Variants in ANOS1 observed in about 807,000 individuals in gnomAD.
ANOS1 encodes anosmin 1.
Under a neutral mutation model 59.0 loss-of-function variants are expected in ANOS1, and 6 were observed. That is an observed-to-expected ratio of 0.10 (90% CI 0.06 to 0.20). ANOS1 has a LOEUF of 0.20. Ranked by LOEUF, ANOS1 falls within the 10% of genes least tolerant of loss-of-function variation. ANOS1 has a pLI of 1.00. For missense variants in ANOS1, 433 were observed against 542.3 expected, an observed-to-expected ratio of 0.80 and a Z score of 2.00; for synonymous variants, 217 against 223.4, an observed-to-expected ratio of 0.97 and a Z score of 0.25.
rs374418341 is a variant in ANOS1 at position 8,663,519 on chromosome X, T to C, written c.255+36179A>G. ...ATGGTAGATAAGAAAAGAAACAACC[T>C]GCTGAAATGCTGAAACTCCCTATGC... is the stretch of plus-strand genomic sequence containing the variant. On this transcript the variant is annotated intron_variant, in intron 2 of 13. Coordinates refer to ENST00000262648, the MANE Select transcript of ANOS1 (RefSeq NM_000216.4). Among the ~76,000 whole-genome samples the C allele has an allele frequency of 4.5e-5, 5 of 111,468 alleles. No individual in the cohort carries two copies. The East Asian group carries it at 1.1e-3, about 25-fold the overall frequency.
intron 5 of ANOS1, among the ~76,000 whole-genome samples, chrX:8,587,140 G>T (rs933552617): frequency 9.1e-6 from 1 of 110,139 alleles, no homozygotes; most frequent in African/African-American, 3.3e-5. Context: ...GTGTGGGGGG[G>T]TGGTTAGCAG....
chrX:8,675,834 A>C (rs1243586640), intron 2 of ANOS1, among the ~76,000 whole-genome samples: 1 of 107,824 alleles, frequency 9.3e-6, no homozygotes, highest in African/African-American at 3.4e-5. Flanking sequence ...TGCATTAGCT[A>C]TTTGTTTGGA....
intron 6 of ANOS1, among the ~76,000 whole-genome samples, chrX:8,578,317 TA>T (rs3057370): frequency 6.4e-4 from 63 of 98,295 alleles, no homozygotes; most frequent in South Asian, 1.4e-3. Context: ...CCTTCTCCCT[TA>T]AAAAAAAAAA....
At chrX:8,563,783 T>G (rs1930068869) in intron 8 of ANOS1, among the ~76,000 whole-genome samples, 1 of 111,940 alleles carries the variant, frequency 8.9e-6, no homozygotes, top group African/African-American at 3.3e-5. Context: ...CTGAAATAAT[T>G]GCAGGACCTA....
chrX:8,693,733 A>ATTTTT (rs35989320), intron 2 of ANOS1, among the ~76,000 whole-genome samples: 2 of 75,308 alleles, frequency 2.7e-5, no homozygotes, highest in Non-Finnish European at 2.5e-5. Flanking sequence ...TATTGCATGA[A>ATTTTT]TTTTTTTTTT....
chrX:8,666,281 G>A (rs1053607507), intron 2 of ANOS1, among the ~76,000 whole-genome samples: 3 of 111,457 alleles, frequency 2.7e-5, no homozygotes, highest in African/African-American at 9.8e-5. Flanking sequence ...ATATTTACCA[G>A]TATGAAGAGT....
At chrX:8,717,485 A>G (rs1303750569) in intron 1 of ANOS1, among the ~76,000 whole-genome samples, 1 of 111,603 alleles carries the variant, frequency 9.0e-6, no homozygotes, top group African/African-American at 3.3e-5. Flanking sequence ...TGGAAACAAC[A>G]AAAACAACCA....
chrX:8,561,939 C>CT (rs1049026907), intron 8 of ANOS1, among the ~76,000 whole-genome samples: 15 of 109,807 alleles, frequency 1.4e-4, no homozygotes, highest in Non-Finnish European at 2.5e-4. Context: ...TTCTTTCTTT[C>CT]TTTTTTTTGT....
intron 8 of ANOS1, among the ~76,000 whole-genome samples, chrX:8,560,193 CT>C (rs1384230803): frequency 1.8e-5 from 2 of 111,132 alleles, no homozygotes; most frequent in Non-Finnish European, 3.8e-5. Flanking sequence ...TGGTCTCAAA[CT>C]TCTGGCTCAA....
chrX:8,698,599 C>G (rs890847670), intron 2 of ANOS1, among the ~76,000 whole-genome samples: 15 of 111,976 alleles, frequency 1.3e-4, no homozygotes, highest in African/African-American at 4.5e-4. Flanking sequence ...CTGGACAGAA[C>G]AAATGCTTAG....
chrX:8,620,814 T>C (rs935446175), intron 3 of ANOS1, among the ~76,000 whole-genome samples: 1 of 111,960 alleles, frequency 8.9e-6, no homozygotes, highest in African/African-American at 3.2e-5. Context: ...TCAATTAACC[T>C]TTCATGCCAG....
chrX:8,555,000 G>A (rs28816238), intron 8 of ANOS1, among the ~76,000 whole-genome samples: 15 of 111,206 alleles, frequency 1.3e-4, no homozygotes, highest in Non-Finnish European at 2.8e-4. Context: ...CTCAGCAAAT[G>A]CAAAAGAATG....
At chrX:8,666,744 G>A (rs1468248485) in intron 2 of ANOS1, among the ~76,000 whole-genome samples, 2 of 111,995 alleles carry the variant, frequency 1.8e-5, no homozygotes, top group African/African-American at 3.2e-5. Flanking sequence ...AAACTGTGGC[G>A]TCCATCCAAA....
At chrX:8,664,928 G>C (rs1932109416) in intron 2 of ANOS1, among the ~76,000 whole-genome samples, 1 of 111,873 alleles carries the variant, frequency 8.9e-6, no homozygotes, top group Non-Finnish European at 1.9e-5. Flanking sequence ...CGCATAAGCA[G>C]ATGTTTTTAT....
chrX:8,652,298 G>C (rs1931862137), intron 2 of ANOS1, among the ~76,000 whole-genome samples: 1 of 111,022 alleles, frequency 9.0e-6, no homozygotes, highest in African/African-American at 3.3e-5. Context: ...TTTGTTTTTA[G>C]GAATGATTCA....
intron 2 of ANOS1, among the ~76,000 whole-genome samples, chrX:8,649,845 C>G (rs943148804): frequency 8.9e-6 from 1 of 112,561 alleles, no homozygotes; most frequent in African/African-American, 3.2e-5. Flanking sequence ...TCCCAGGAAG[C>G]CAATCAAGTT....
intron 1 of ANOS1, among the ~76,000 whole-genome samples, chrX:8,703,249 G>A (rs1412955180): frequency 1.8e-5 from 2 of 112,413 alleles, no homozygotes; most frequent in Admixed American, 1.9e-4. Flanking sequence ...TCACAGAGAA[G>A]GCACATTTCT....
At chrX:8,556,191 A>G (rs1275026497) in intron 8 of ANOS1, among the ~76,000 whole-genome samples, 1 of 112,167 alleles carries the variant, frequency 8.9e-6, no homozygotes, top group Non-Finnish European at 1.9e-5. Flanking sequence ...TCAAAATAAT[A>G]AGAGCTATTG....
chrX:8,684,761 G>T (rs1327990091), intron 2 of ANOS1, among the ~76,000 whole-genome samples: 2 of 110,241 alleles, frequency 1.8e-5, no homozygotes. Flanking sequence ...TTTCTCTTGG[G>T]AAACACTGTT....
Sources: allele counts gnomAD v4.1 joint callset (sites outside exome capture counted in the v4.1 genomes callset), GRCh38; gene constraint gnomAD v4.1.1; transcripts MANE v1.5; gene names NCBI Gene and HGNC (gene_info 2026-07-23, HGNC 2026-07-21).